COL5A1: variants seen among roughly 807,000 people sequenced by gnomAD.
The protein encoded by COL5A1 is collagen alpha-1(V) chain.
COL5A1 carries 16 observed loss-of-function variants against 263.7 expected under a neutral mutation model. The observed-to-expected ratio is 0.06, with a 90% CI of 0.04 to 0.09. The LOEUF (loss-of-function observed/expected upper bound fraction) is 0.09. COL5A1 is among the 10% of genes least tolerant of loss of function. The probability of loss-of-function intolerance (pLI) is 1.00; values close to 1 mark genes in which losing one functional copy is unlikely to be tolerated. For synonymous variants in COL5A1, 1,012 were observed against 1,004.5 expected (o/e 1.01, Z -0.14); for missense variants, 2,036 against 2,540.5 (o/e 0.80, Z 4.27).
intron 4 of COL5A1, among the ~76,000 whole-genome samples, chr9:134,701,892 G>T (rs952774115): frequency 3.1e-4 from 47 of 152,240 alleles, no homozygotes; most frequent in African/African-American, 1.1e-3. Flanking sequence ...GTGGGCTCTG[G>T]GACCCTCACT....
chr9:134,795,000 C>T lies in COL5A1; in HGVS notation c.2701-82C>T. 6.7e-7 allele frequency: 1 copy of T among 1,490,772 alleles called. No homozygotes were observed. Among genetic ancestry groups the T allele is most frequent in the Non-Finnish European group, 9.3e-7 (1 of 1,070,444 alleles). The allele number at this position is 1,490,772 out of a possible 1,614,324, so 92.3% of individuals were successfully genotyped here. On this transcript the variant is annotated intron_variant, in intron 32 of 65. Coordinates refer to ENST00000371817, the MANE Select transcript of COL5A1 (RefSeq NM_000093.5). The surrounding 1 kb of genome is among the most constrained non-coding windows in gnomAD (Gnocchi z 4.3). ...CTATCCTGCTCTGAATTCACAGTCT[C>T]TCAATAACCCGGGAGACAGCTGCCA...
At chr9:134,688,910 C>T (rs1443478252) in intron 1 of COL5A1, among the ~76,000 whole-genome samples, 1 of 152,136 alleles carries the variant, frequency 6.6e-6, no homozygotes, top group Non-Finnish European at 1.5e-5. Flanking sequence ...CTTCGATTTC[C>T]CTCCACCCTG....
At chr9:134,709,212 C>T (rs1369508661) in intron 4 of COL5A1, 1 of 350,478 alleles carries the variant, frequency 2.9e-6, no homozygotes, top group Non-Finnish European at 5.6e-6. Context: ...TAAATTGCCA[C>T]AGAGCACGTG....
At chr9:134,768,629 T>C (rs1182652189) in intron 25 of COL5A1, among the ~76,000 whole-genome samples, 166 bp downstream of exon 25, 1 of 152,268 alleles carries the variant, frequency 6.6e-6, no homozygotes, top group Non-Finnish European at 1.5e-5. Flanking sequence ...CGGTCATTCT[T>C]GGGTTCTGGA....
chr9:134,721,618 C>T lies in COL5A1; in HGVS notation c.655-5648C>T, dbSNP rs559021639. Reference sequence around the variant, plus strand: ...TCCTGCGGGGTGGGTTACAGCCTTTCCCTCTGCTTCAGCTCCTCCTCCGCC... The same window carrying T: ...TCCTGCGGGGTGGGTTACAGCCTTTTCCTCTGCTTCAGCTCCTCCTCCGCC... On this transcript the variant is annotated intron_variant, in intron 4 of 65. Coordinates refer to ENST00000371817, the MANE Select transcript of COL5A1 (RefSeq NM_000093.5). 3.0e-4 allele frequency among the ~76,000 whole-genome samples: 45 copies of T among 152,310 alleles called. 1 individual carries two copies. The Middle Eastern group carries it at 0.024, about 81-fold the overall frequency.
chr9:134,786,566 C>T (rs1014273637), intron 31 of COL5A1, among the ~76,000 whole-genome samples: 4 of 152,208 alleles, frequency 2.6e-5, no homozygotes, highest in African/African-American at 9.7e-5. Context: ...CGCCTCTCAA[C>T]TCTACCTCAC....
At chr9:134,802,112 C>A in intron 38 of COL5A1, 105 bp downstream of exon 38, 1 of 1,142,060 alleles carries the variant, frequency 8.8e-7, no homozygotes, top group Non-Finnish European at 1.3e-6. Context: ...TCCGGAGGTG[C>A]AGGTACTGCT....
At position 134,642,000 on chromosome 9, in the gene COL5A1, G is replaced by A. The variant is rs1324703764; in HGVS notation, c.-188G>A. 4.1e-6 allele frequency: 2 copies of A among 486,148 alleles called. No homozygotes were observed. The highest frequency in any genetic ancestry group is 2.0e-5 in the African/African-American group (1 of 50,012). The allele number at this position is 486,148 out of a possible 1,614,324, so 30.1% of individuals were successfully genotyped here. A position where few individuals can be genotyped will look rare whatever the true frequency, so the allele number is the denominator to read the frequency against. On this transcript the variant is annotated 5_prime_UTR_variant, in exon 1 of 66. Coordinates refer to ENST00000371817, the MANE Select transcript of COL5A1 (RefSeq NM_000093.5). Reference sequence around the variant, plus strand: ...AAGTCGAGCCCTCCCGCCCGTGGGCGAGCGCGCCAGCCGCCCCTTCCAGAA... The same window carrying A: ...AAGTCGAGCCCTCCCGCCCGTGGGCAAGCGCGCCAGCCGCCCCTTCCAGAA...
At chr9:134,812,733 G>C in intron 48 of COL5A1, 21 bp downstream of exon 48, 4 of 1,505,476 alleles carry the variant, frequency 2.7e-6, no homozygotes, top group Non-Finnish European at 3.6e-6. Flanking sequence ...TGCCTGCTCT[G>C]GTGGCAGATT....
chr9:134,798,343 T>G (rs887769709), intron 36 of COL5A1, 65 bp from the exon 37 acceptor site: 3 of 1,474,536 alleles, frequency 2.0e-6, no homozygotes, highest in Non-Finnish European at 2.8e-6. Flanking sequence ...CACGTGGCAT[T>G]AATTCTCAAA....
At chr9:134,813,446 T>C (rs1472353382) in intron 48 of COL5A1, among the ~76,000 whole-genome samples, 1 of 152,218 alleles carries the variant, frequency 6.6e-6, no homozygotes, top group African/African-American at 2.4e-5. Context: ...TTTTTTATGA[T>C]ACAGAAATTA....
At chr9:134,768,517 G>C in intron 25 of COL5A1, 54 bp downstream of exon 25, 12 of 1,555,198 alleles carry the variant, frequency 7.7e-6, no homozygotes, top group Non-Finnish European at 1.1e-5. Flanking sequence ...TCCACCCTGC[G>C]GATAGGGCTG....
At chr9:134,777,671 G>A (rs970092402) in intron 27 of COL5A1, among the ~76,000 whole-genome samples, 7 of 152,172 alleles carry the variant, frequency 4.6e-5, no homozygotes, top group African/African-American at 9.7e-5. Context: ...AGGAGGCTGC[G>A]GTCCTACCTG....
intron 46 of COL5A1, 115 bp downstream of exon 46, chr9:134,811,714 GGGGCCTCCT>G (rs1838532914): frequency 2.3e-6 from 2 of 888,732 alleles, no homozygotes; most frequent in Middle Eastern, 3.2e-4. Context: ...CAGGCTGCAG[GGGGCCTCCT>G]GGGCCTCCTC....
intron 27 of COL5A1, among the ~76,000 whole-genome samples, chr9:134,778,317 C>G (rs114732782): frequency 6.6e-6 from 1 of 152,232 alleles, no homozygotes; most frequent in East Asian, 1.9e-4. Flanking sequence ...CTGGGCTGCC[C>G]GGGCCCACAG....
intron 20 of COL5A1, among the ~76,000 whole-genome samples, chr9:134,764,668 A>C: frequency 6.6e-6 from 1 of 152,024 alleles, no homozygotes; most frequent in South Asian, 2.1e-4. Flanking sequence ...AGGTGGTGCT[A>C]ATTGATGAGA....
At chr9:134,812,544 C>T in intron 47 of COL5A1, 42 bp downstream of exon 47, 1 of 1,613,068 alleles carries the variant, frequency 6.2e-7, no homozygotes, top group Non-Finnish European at 8.5e-7. Context: ...GTACTAGCGG[C>T]TCATGTTTTG....
In COL5A1 at chr9:134,822,870, A is replaced by T. The variant is rs922093707; in HGVS notation, c.4609-128A>T. ...CCACTCTAGCCGGGCAAATACAAGC[A>T]TAGACTCTTGAGGGGGATGCGGGTG... On this transcript the variant is annotated intron_variant, in intron 59 of 65. Transcript: ENST00000371817. The T allele has an allele frequency of 5.6e-6, 6 of 1,064,848 alleles. No individual in the cohort carries two copies. In the African/African-American group the frequency reaches 7.8e-5, roughly 14 times the overall value. 66.0% of individuals were successfully genotyped at this position (1,064,848 alleles called of 1,614,324 possible). A position where few individuals can be genotyped will look rare whatever the true frequency, so the allele number is the denominator to read the frequency against.
intron 9 of COL5A1, among the ~76,000 whole-genome samples, chr9:134,735,757 G>A (rs1166075380): frequency 1.3e-5 from 2 of 152,242 alleles, no homozygotes; most frequent in Non-Finnish European, 2.9e-5. Context: ...TGTCAGAGAC[G>A]GAAATTGGAA....
Sources: allele counts gnomAD v4.1 joint callset (sites outside exome capture counted in the v4.1 genomes callset), GRCh38; gene constraint gnomAD v4.1.1; non-coding constraint Gnocchi (gnomAD v3.1); transcripts MANE v1.5; gene names NCBI Gene and HGNC (gene_info 2026-07-23, HGNC 2026-07-21).